STAG1: variants seen among roughly 807,000 people sequenced by gnomAD.
STAG1 encodes STAG1 cohesin complex component, also known as cohesin subunit SA-1.
In STAG1, 26 loss-of-function variants were observed where a neutral mutation model predicts 170.9. The ratio of observed to expected loss-of-function variants is 0.15; its 90% CI spans 0.11 to 0.21. The LOEUF (loss-of-function observed/expected upper bound fraction) is 0.21, where lower values mean the gene tolerates loss of function less well. Ranked by LOEUF, STAG1 falls within the 10% of genes least tolerant of loss-of-function variation. STAG1 has a pLI of 1.00. For synonymous variants in STAG1, 514 were observed against 497.7 expected, an observed-to-expected ratio of 1.03 and a Z score of -0.44; for missense variants, 964 against 1,509.5, an observed-to-expected ratio of 0.64 and a Z score of 5.99.
intron 6 of STAG1, among the ~76,000 whole-genome samples, chr3:136,538,213 A>AAATG (rs1935733452): frequency 6.6e-6 from 1 of 152,186 alleles, no homozygotes; most frequent in Non-Finnish European, 1.5e-5. Context: ...GCGCAATACT[A>AAATG]TATACATTTA....
At chr3:136,686,007 A>G (rs1576763301) in intron 1 of STAG1, among the ~76,000 whole-genome samples, 1 of 152,296 alleles carries the variant, frequency 6.6e-6, no homozygotes, top group East Asian at 1.9e-4. Context: ...AGAGTTCTCA[A>G]GTATTGGTAA....
At chr3:136,683,573 A>AT (rs917577511) in intron 1 of STAG1, among the ~76,000 whole-genome samples, 45 of 149,012 alleles carry the variant, frequency 3.0e-4, no homozygotes, top group South Asian at 1.1e-3. Context: ...CTTCAACGTG[A>AT]TTTTTTTTTT....
intron 3 of STAG1, among the ~76,000 whole-genome samples, chr3:136,622,127 ATCTCTACT>A (rs1939885300): frequency 7.9e-6 from 1 of 127,358 alleles, no homozygotes; most frequent in Admixed American, 9.4e-5. Context: ...ACGAAACCCC[ATCTCTACT>A]AAAAAAAAAA....
chr3:136,455,551 G>A (rs1400764068), intron 13 of STAG1, among the ~76,000 whole-genome samples: 2 of 152,214 alleles, frequency 1.3e-5, no homozygotes. Context: ...AAACACCTGG[G>A]GTGAACTGGG....
intron 1 of STAG1, among the ~76,000 whole-genome samples, chr3:136,698,633 C>A (rs186860653): frequency 6.6e-6 from 1 of 152,158 alleles, no homozygotes; most frequent in African/African-American, 2.4e-5. Flanking sequence ...AACAATCCCA[C>A]TGCTGGGTAA....
At chr3:136,407,337 GT>G (rs2087512490) in intron 21 of STAG1, among the ~76,000 whole-genome samples, 3 of 152,178 alleles carry the variant, frequency 2.0e-5, no homozygotes, top group South Asian at 4.1e-4. Context: ...TTTCATTAAT[GT>G]TTTATACTTT....
intron 30 of STAG1, among the ~76,000 whole-genome samples, chr3:136,342,984 G>A (rs1176615439): frequency 1.3e-5 from 2 of 152,216 alleles, no homozygotes; most frequent in South Asian, 4.1e-4. Context: ...GGGTGACAGT[G>A]AGTATCCTCT....
intron 29 of STAG1, among the ~76,000 whole-genome samples, chr3:136,347,621 T>C (rs1008220958): frequency 2.0e-5 from 3 of 152,078 alleles, no homozygotes; most frequent in Non-Finnish European, 2.9e-5. Context: ...TTTTGAAATA[T>C]AGATGCTTTG....
chr3:136,513,070 G>C (rs1319993124), intron 7 of STAG1, among the ~76,000 whole-genome samples: 1 of 152,148 alleles, frequency 6.6e-6, no homozygotes, highest in African/African-American at 2.4e-5. Context: ...CTTGGGCCGG[G>C]TGTAGTGGCC....
In STAG1 at chr3:136,627,572, A is replaced by T. The variant is rs191751573; in HGVS notation, c.29+3298T>A. Among the ~76,000 whole-genome samples, 888 of 152,314 alleles carry T rather than the reference A, an allele frequency of 5.8e-3. 5 individuals are homozygous for T. Among genetic ancestry groups the T allele is most frequent in the Non-Finnish European group, 9.2e-3 (629 of 68,022 alleles). On this transcript the variant is annotated intron_variant, in intron 2 of 33. Coordinates refer to ENST00000383202, the MANE Select transcript of STAG1 (RefSeq NM_005862.3). ...GCACTTAGTTTGTCTCTAGTTTTGC[A>T]CTATTACAAACAGGGCTGAAATGAC...
At chr3:136,360,800 C>T (rs1936834568) in intron 26 of STAG1, among the ~76,000 whole-genome samples, 1 of 152,104 alleles carries the variant, frequency 6.6e-6, no homozygotes, top group Non-Finnish European at 1.5e-5. Context: ...TCCTGAGTAG[C>T]TGGGGCTACA....
intron 1 of STAG1, among the ~76,000 whole-genome samples, chr3:136,690,056 C>CAAAAAAAAAAAAAAAAAAAAAAAAA (rs57082567): frequency 5.3e-5 from 3 of 56,372 alleles, no homozygotes; most frequent in Admixed American, 2.1e-4. Context: ...AAAAGCAAAC[C>CAAAAAAAAAAAAAAAAAAAAAAAAA]AAAAAAAAAA....
chr3:136,706,658 G>A (rs545380409), intron 1 of STAG1, among the ~76,000 whole-genome samples: 32 of 152,070 alleles, frequency 2.1e-4, no homozygotes, highest in South Asian at 6.2e-4. Context: ...GTACAGATTC[G>A]GTGCAACCCC....
intron 4 of STAG1, among the ~76,000 whole-genome samples, chr3:136,592,804 A>C (rs937923253): frequency 2.6e-5 from 4 of 152,200 alleles, no homozygotes; most frequent in African/African-American, 9.7e-5. Context: ...CCTAAGAGTA[A>C]TTTATCCTTA....
At chr3:136,439,807 T>C (rs780144700) in intron 15 of STAG1, among the ~76,000 whole-genome samples, 2 of 152,200 alleles carry the variant, frequency 1.3e-5, no homozygotes, top group African/African-American at 2.4e-5. Context: ...TCTCAGACTC[T>C]GCCTACCTAG....
chr3:136,518,123 T>A (rs992016612), intron 7 of STAG1: 4 of 366,224 alleles, frequency 1.1e-5, no homozygotes, highest in Non-Finnish European at 1.9e-5. Flanking sequence ...CAGGGACACA[T>A]ATTGAATTCA....
At chr3:136,400,501 G>A (rs189320107) in intron 21 of STAG1, among the ~76,000 whole-genome samples, 3 of 151,560 alleles carry the variant, frequency 2.0e-5, no homozygotes, top group South Asian at 2.1e-4. Context: ...GACCATAGGC[G>A]TGAGCCACCA....
At chr3:136,564,118 T>C (rs1235857091) in intron 5 of STAG1, among the ~76,000 whole-genome samples, 3 of 152,222 alleles carry the variant, frequency 2.0e-5, no homozygotes, top group East Asian at 1.9e-4. Flanking sequence ...GGCTATCCTA[T>C]AGTTCATTCA....
At chr3:136,452,389 C>G (rs2088969331) in intron 13 of STAG1, among the ~76,000 whole-genome samples, 1 of 151,734 alleles carries the variant, frequency 6.6e-6, no homozygotes, top group South Asian at 2.1e-4. Context: ...ACGGTGAAAT[C>G]CCGTCTCTAC....
Sources: allele counts gnomAD v4.1 joint callset (sites outside exome capture counted in the v4.1 genomes callset), GRCh38; gene constraint gnomAD v4.1.1; transcripts MANE v1.5; gene names NCBI Gene and HGNC (gene_info 2026-07-23, HGNC 2026-07-21).